MGAT4C: variants seen among roughly 807,000 people sequenced by gnomAD.
MGAT4C encodes the protein MGAT4 family member C.
A neutral mutation model predicts 40.1 loss-of-function variants in MGAT4C; 19 were observed. The observed-to-expected ratio is 0.47, with a 90% CI of 0.33 to 0.70. The LOEUF (loss-of-function observed/expected upper bound fraction) is 0.70, where lower values mean the gene tolerates loss of function less well. Among genes scored for constraint, MGAT4C ranks in the 30% least tolerant of loss-of-function variants. The pLI is 0.02. For synonymous variants in MGAT4C, 181 were observed against 187.1 expected (o/e 0.97, Z 0.27); for missense variants, 491 against 563.2 (o/e 0.87, Z 1.30).
At chr12:86,455,940 T>C (rs902595818) in intron 2 of MGAT4C, among the ~76,000 whole-genome samples, 3 of 152,008 alleles carry the variant, frequency 2.0e-5, no homozygotes, top group Non-Finnish European at 4.4e-5. Context: ...AAATAGAGTA[T>C]TACTTGAACT....
At chr12:86,110,702 G>A (rs187270034) in intron 1 of MGAT4C, among the ~76,000 whole-genome samples, 11 of 151,662 alleles carry the variant, frequency 7.3e-5, no homozygotes, top group African/African-American at 2.4e-4. Flanking sequence ...GTATAAGCAT[G>A]AAAGATTTGA....
At chr12:86,046,533 T>G (rs1892411118) in intron 2 of MGAT4C, among the ~76,000 whole-genome samples, 1 of 152,094 alleles carries the variant, frequency 6.6e-6, no homozygotes, top group Admixed American at 6.6e-5. Context: ...TAGTAAGCTG[T>G]GTAAGATGAG....
chr12:86,356,691 G>C (rs899757723), intron 3 of MGAT4C, among the ~76,000 whole-genome samples: 1 of 152,186 alleles, frequency 6.6e-6, no homozygotes, highest in African/African-American at 2.4e-5. Context: ...GTCTGGCTCA[G>C]AGGGTCTTAC....
At chr12:86,603,567 A>ATAGATATATAGATATATAGT (rs1961901738) in intron 2 of MGAT4C, among the ~76,000 whole-genome samples, 1 of 115,100 alleles carries the variant, frequency 8.7e-6, no homozygotes, top group African/African-American at 3.5e-5. Context: ...TAGTCTATAG[A>ATAGATATATAGATATATAGT]CTATAGATAA....
intron 4 of MGAT4C, among the ~76,000 whole-genome samples, chr12:86,313,367 G>C (rs752269737): frequency 2.6e-5 from 4 of 152,080 alleles, no homozygotes; most frequent in Non-Finnish European, 4.4e-5. Flanking sequence ...AATTTAACTT[G>C]TATTAAAATT....
At chr12:86,333,980 A>T (rs1434269124) in intron 4 of MGAT4C, 1 of 152,166 alleles carries the variant, frequency 6.6e-6, no homozygotes, top group Non-Finnish European at 1.5e-5. Flanking sequence ...CTATCTCATT[A>T]TATATCTTAA....
rs146029288 is a variant in MGAT4C, at chr12:86,192,313, T to C, written c.-57+63926A>G. On this transcript the variant is annotated intron_variant, in intron 1 of 4. Coordinates refer to ENST00000611864, the MANE Select transcript of MGAT4C (RefSeq NM_001351288.2). The stretch of plus-strand genomic sequence containing the variant: ...CATTAGGGCACTGATTAGGAAGAAA[T>C]GGAATCCTCAAAATTAGAGTGGGAC... Among the ~76,000 whole-genome samples, 4 of 151,974 alleles carry C rather than the reference T, an allele frequency of 2.6e-5. 1 individual carries two copies. The highest frequency in any genetic ancestry group is 9.6e-5 in the African/African-American group (4 of 41,474).
intron 1 of MGAT4C, among the ~76,000 whole-genome samples, chr12:86,128,056 A>G (rs1046081308): frequency 1.3e-5 from 2 of 152,246 alleles, no homozygotes; most frequent in African/African-American, 4.8e-5. Flanking sequence ...ATTCTGTGCT[A>G]TATTTTCAAA....
intron 2 of MGAT4C, among the ~76,000 whole-genome samples, chr12:86,623,510 G>A (rs1962704750): frequency 6.6e-6 from 1 of 152,066 alleles, no homozygotes. Flanking sequence ...AACAATGCAA[G>A]TTGAAAAGAC....
intron 3 of MGAT4C, among the ~76,000 whole-genome samples, chr12:86,338,307 C>T (rs1260880855): frequency 3.3e-5 from 5 of 152,066 alleles, no homozygotes; most frequent in Non-Finnish European, 5.9e-5. Flanking sequence ...TCAGATGAGC[C>T]AGTTTATCAA....
rs560608882 is a variant in MGAT4C, at chr12:86,118,284, C to G, written c.-56-68561G>C. Among the ~76,000 whole-genome samples the G allele has an allele frequency of 5.3e-5, 8 of 152,158 alleles. No individual in the cohort carries two copies. The East Asian group carries it at 1.4e-3, about 26-fold the overall frequency. ...TCCAGGAAGTTTGCAATGACTTGTC[C>G]TATTGTTCAGGGTCCGGCAAGGAAC... On this transcript the variant is annotated intron_variant, in intron 1 of 4. Transcript: ENST00000611864.
intron 1 of MGAT4C, among the ~76,000 whole-genome samples, chr12:86,788,416 A>G (rs946195522): frequency 6.6e-6 from 1 of 151,936 alleles, no homozygotes; most frequent in African/African-American, 2.4e-5. Flanking sequence ...CAAGGAGAAA[A>G]AAATGGAAGG....
intron 3 of MGAT4C, among the ~76,000 whole-genome samples, chr12:86,349,871 C>A (rs61950734): frequency 0.092 from 13,953 of 151,986 alleles, 801 homozygotes; most frequent in Middle Eastern, 0.22. Context: ...TTATCAATAC[C>A]TTCTTTCTAA....
chr12:86,615,631 G>C (rs1451322152), intron 2 of MGAT4C, among the ~76,000 whole-genome samples: 1 of 152,054 alleles, frequency 6.6e-6, no homozygotes, highest in Non-Finnish European at 1.5e-5. Context: ...TTTAAACAGA[G>C]CTGGAGCATC....
intron 1 of MGAT4C, among the ~76,000 whole-genome samples, chr12:86,081,653 C>A (rs915591004): frequency 6.6e-6 from 1 of 152,046 alleles, no homozygotes; most frequent in Non-Finnish European, 1.5e-5. Flanking sequence ...AACTTAGTGA[C>A]AATTTTCCCT....
At chr12:86,036,314 C>T (rs1891234483) in intron 2 of MGAT4C, among the ~76,000 whole-genome samples, 1 of 149,908 alleles carries the variant, frequency 6.7e-6, no homozygotes, top group Admixed American at 6.7e-5. Context: ...ATTTATTTCT[C>T]TTTCTTGATT....
intron 1 of MGAT4C, among the ~76,000 whole-genome samples, chr12:86,829,570 T>A (rs1952877874): frequency 6.6e-6 from 1 of 151,452 alleles, no homozygotes; most frequent in Admixed American, 6.6e-5. Flanking sequence ...GTTTTCCTCA[T>A]CTTATTTCAA....
chr12:86,124,946 C>T (rs1880005231), intron 1 of MGAT4C, among the ~76,000 whole-genome samples: 3 of 152,120 alleles, frequency 2.0e-5, no homozygotes, highest in African/African-American at 4.8e-5. Context: ...ATGGTATCCA[C>T]ATTCTACATA....
rs111364179 is a variant in MGAT4C, at chr12:86,705,405, T to C, written c.-229+21804A>G. On this transcript the variant is annotated intron_variant, in intron 2 of 7. Transcript: ENST00000548651. ...ACTTCATGATGCACACTACTAAGAA[T>C]TGCCAAACCTGAAGGGAAAGTGAAA... 3.2e-4 allele frequency among the ~76,000 whole-genome samples: 48 copies of C among 151,990 alleles called. 1 individual carries two copies. Among genetic ancestry groups the C allele is most frequent in the African/African-American group, 1.1e-3 (45 of 41,474 alleles).
Sources: gnomAD v4.1 joint callset for allele counts (sites outside exome capture counted in the v4.1 genomes callset) on GRCh38, gnomAD v4.1.1 for gene constraint, MANE v1.5 for transcripts, NCBI Gene and HGNC (gene_info 2026-07-23, HGNC 2026-07-21) for gene names.